The following PSMB2 variants were observed in gnomAD, a reference collection of about 807,000 sequenced individuals.
The protein encoded by PSMB2 is proteasome subunit beta type-2.
PSMB2 carries 13 observed loss-of-function variants against 25.7 expected under a neutral mutation model. The ratio of observed to expected loss-of-function variants is 0.51; its 90% CI spans 0.33 to 0.80. PSMB2 has a LOEUF of 0.80. Ranked by LOEUF, PSMB2 falls within the 30% of genes least tolerant of loss-of-function variation. The pLI, the probability that PSMB2 is intolerant of heterozygous loss-of-function variation, is 0.02. For synonymous variants in PSMB2, 87 were observed against 96.2 expected (o/e 0.90, Z 0.56); for missense variants, 202 against 259.0 (o/e 0.78, Z 1.51).
intron 2 of PSMB2, among the ~76,000 whole-genome samples, chr1:35,634,416 G>A (rs139531461): frequency 9.4e-4 from 143 of 152,268 alleles, no homozygotes; most frequent in East Asian, 3.3e-3. Flanking sequence ...TCACTCTGTC[G>A]CACAGGCTGG....
rs1437026183 is a variant in PSMB2, at chr1:35,616,719, T to A, written c.286-7311A>T. Among the ~76,000 whole-genome samples, 3 of 152,354 alleles carry A rather than the reference T, an allele frequency of 2.0e-5. No homozygotes were observed. In the East Asian group the frequency reaches 5.8e-4, roughly 29 times the overall value. On this transcript the variant is annotated intron_variant, in intron 3 of 5. Coordinates refer to ENST00000373237, the MANE Select transcript of PSMB2 (RefSeq NM_002794.5). ...CCAATCCCCAATTTTTCAATTTCAC[T>A]AATAAATAAAATGAATCAATTGTTA...
At chr1:35,610,963 G>A (rs1018388758) in intron 3 of PSMB2, among the ~76,000 whole-genome samples, 5 of 152,098 alleles carry the variant, frequency 3.3e-5, no homozygotes, top group South Asian at 2.1e-4. Flanking sequence ...CTGAGTCTGC[G>A]TTGCTCTTCA....
At chr1:35,610,289 A>C (rs2148564184) in intron 3 of PSMB2, among the ~76,000 whole-genome samples, 1 of 152,038 alleles carries the variant, frequency 6.6e-6, no homozygotes, top group Non-Finnish European at 1.5e-5. Flanking sequence ...AAAACTAAAA[A>C]ATTAGCCGGG....
intron 3 of PSMB2, among the ~76,000 whole-genome samples, chr1:35,628,590 AAAAAAAATAT>A (rs1354386126): frequency 4.8e-4 from 8 of 16,576 alleles, no homozygotes; most frequent in African/African-American, 9.9e-4. Context: ...AAAAAAAAAA[AAAAAAAATAT>A]ATATATATAT....
At chr1:35,613,406 G>A (rs1650395111) in intron 3 of PSMB2, among the ~76,000 whole-genome samples, 1 of 152,030 alleles carries the variant, frequency 6.6e-6, no homozygotes, top group African/African-American at 2.4e-5. Flanking sequence ...AGGTTAGGGG[G>A]CTACTTGGAA....
intron 3 of PSMB2, among the ~76,000 whole-genome samples, chr1:35,630,270 T>C (rs1238182589): frequency 6.6e-6 from 1 of 152,250 alleles, no homozygotes; most frequent in African/African-American, 2.4e-5. Context: ...TTAAGTAATA[T>C]GGTTTGTTAC....
At position 35,631,443 on chromosome 1, in the gene PSMB2, T is replaced by G. The variant is rs1651094941; in HGVS notation, c.215-99A>C. On this transcript the variant is annotated intron_variant, in intron 2 of 5. Transcript: ENST00000373237. ...CCTGTTCCTAAAGCCCACCATCTTT[T>G]GTACACTCAGAGTAAACAAAGCATA... 2.6e-6 allele frequency: 4 copies of G among 1,566,054 alleles called. No homozygotes were observed. The South Asian group carries it at 4.7e-5, about 18-fold the overall frequency.
intron 2 of PSMB2, among the ~76,000 whole-genome samples, chr1:35,635,597 G>A (rs991182986): frequency 2.6e-5 from 4 of 152,052 alleles, no homozygotes; most frequent in Non-Finnish European, 4.4e-5. Context: ...TTGGGAGGCC[G>A]AGGTGGGCAG....
intron 3 of PSMB2, 138 bp downstream of exon 3, chr1:35,631,136 T>TAAGTCCA: frequency 2.7e-6 from 2 of 743,032 alleles, no homozygotes; most frequent in Non-Finnish European, 4.6e-6. Context: ...ACATTGGACT[T>TAAGTCCA]AAGAATGAAC....
chr1:35,609,438 A>G lies in PSMB2; in HGVS notation c.286-30T>C, dbSNP rs60571982. 9.2e-4 allele frequency: 1,321 copies of G among 1,439,772 alleles called. 12 individuals are homozygous for G. In the African/African-American group the frequency reaches 0.016, roughly 18 times the overall value. The allele number at this position is 1,439,772 out of a possible 1,614,324, so 89.2% of individuals were successfully genotyped here. On this transcript the variant is annotated intron_variant, in intron 3 of 5. Coordinates refer to ENST00000373237, the MANE Select transcript of PSMB2 (RefSeq NM_002794.5). ...AAAGAAAAGATATGGCAAAGTGATA[A>G]CTAAAGCAGAACACCAACATCTCTT...
At chr1:35,638,313 A>T (rs1293659134) in intron 1 of PSMB2, among the ~76,000 whole-genome samples, 1 of 152,208 alleles carries the variant, frequency 6.6e-6, no homozygotes, top group African/African-American at 2.4e-5. Context: ...ATTCTTGACG[A>T]GGAACTTACG....
At chr1:35,637,787 C>T (rs1380387292) in intron 1 of PSMB2, among the ~76,000 whole-genome samples, 2 of 152,182 alleles carry the variant, frequency 1.3e-5, no homozygotes, top group Admixed American at 6.5e-5. Flanking sequence ...AACAAACACA[C>T]TTTTATTTGT....
chr1:35,630,494 T>G (rs943980817), intron 3 of PSMB2, among the ~76,000 whole-genome samples: 3 of 152,114 alleles, frequency 2.0e-5, no homozygotes, highest in African/African-American at 7.2e-5. Context: ...GACAATGGAG[T>G]ATTTTTCAAT....
chr1:35,617,920 CA>C (rs1650553182), intron 3 of PSMB2, among the ~76,000 whole-genome samples: 1 of 152,182 alleles, frequency 6.6e-6, no homozygotes, highest in African/African-American at 2.4e-5. Context: ...CATGACATAG[CA>C]CATTGGTTAA....
chr1:35,636,420 A>G lies in PSMB2; in HGVS notation c.104T>C (p.Met35Thr). ...IVQMKDDHDK[M>T]FKMSEKILLL... Reference sequence around the variant, plus strand: ...TAATATCTTTTCACTCATCTTAAACATCTTGTCATGATCTGCTCAAAGAAG... The same window carrying G: ...TAATATCTTTTCACTCATCTTAAACGTCTTGTCATGATCTGCTCAAAGAAG... The change falls in exon 2 of 6, where the codon ATG becomes ACG. Residue 35 changes from methionine (M) to threonine (T), a missense_variant. Coordinates refer to ENST00000373237, the MANE Select transcript of PSMB2 (RefSeq NM_002794.5). 1 of 1,613,960 alleles carries G rather than the reference A, an allele frequency of 6.2e-7. No individual in the cohort carries two copies. Among genetic ancestry groups the G allele is most frequent in the Non-Finnish European group, 8.5e-7 (1 of 1,179,936 alleles).
chr1:35,628,599 ATATATATAT>A (rs1218754991), intron 3 of PSMB2, among the ~76,000 whole-genome samples: 457 of 23,562 alleles, frequency 0.019, 8 homozygotes, highest in Non-Finnish European at 0.028. Context: ...AAAAAAAAAT[ATATATATAT>A]ATATATATAT....
intron 3 of PSMB2, among the ~76,000 whole-genome samples, chr1:35,612,742 A>C (rs1650378337): frequency 6.6e-6 from 1 of 152,184 alleles, no homozygotes; most frequent in Admixed American, 6.5e-5. Context: ...CTTCTCTACT[A>C]ACTAGCCAGA....
Position 35,600,469 on chromosome 1 carries a change from C to A in PSMB2, c.*2798G>T. ...GTATAAGGACACCATATTATCTTTG[C>A]AACTTTTCTGTAAAACCAAATTTAT... On this transcript the variant is annotated 3_prime_UTR_variant, in exon 6 of 6. Coordinates refer to ENST00000373237, the MANE Select transcript of PSMB2 (RefSeq NM_002794.5). 1 of 941,962 alleles carries A rather than the reference C, an allele frequency of 1.1e-6. No homozygotes were observed. The highest frequency in any genetic ancestry group is 1.3e-6 in the Non-Finnish European group (1 of 790,516). 58.4% of individuals were successfully genotyped at this position (941,962 alleles called of 1,614,324 possible). A position where few individuals can be genotyped will look rare whatever the true frequency, so the allele number is the denominator to read the frequency against.
In PSMB2 at chr1:35,600,790, T is replaced by C. The variant is rs1447242531; in HGVS notation, c.*2477A>G. 4 of 985,244 alleles carry C rather than the reference T, an allele frequency of 4.1e-6. No individual in the cohort carries two copies. The highest frequency in any genetic ancestry group is 6.1e-5 in the Admixed American group (1 of 16,266). The allele number at this position is 985,244 out of a possible 1,614,324, so 61.0% of individuals were successfully genotyped here. ...TGAGATTGCCCTGGGGACACTTACA[T>C]TCAAAGGCAGAGAACCGTATGTCAT... On this transcript the variant is annotated 3_prime_UTR_variant, in exon 6 of 6. Coordinates refer to ENST00000373237, the MANE Select transcript of PSMB2 (RefSeq NM_002794.5).
Sources: allele counts gnomAD v4.1 joint callset (sites outside exome capture counted in the v4.1 genomes callset), GRCh38; gene constraint gnomAD v4.1.1; transcripts MANE v1.5; gene names NCBI Gene and HGNC (gene_info 2026-07-23, HGNC 2026-07-21).